KREMEN1: variants seen among roughly 807,000 people sequenced by gnomAD.
KREMEN1 encodes the protein kremen protein 1.
KREMEN1 carries 30 observed loss-of-function variants against 46.5 expected under a neutral mutation model. The ratio of observed to expected loss-of-function variants is 0.65; its 90% CI spans 0.48 to 0.88. The LOEUF (loss-of-function observed/expected upper bound fraction) is 0.88, where lower values mean the gene tolerates loss of function less well. KREMEN1 is among the 40% of genes least tolerant of loss of function. The pLI is 0.00. For synonymous variants in KREMEN1, 214 were observed against 230.6 expected (o/e 0.93, Z 0.65); for missense variants, 533 against 596.9 (o/e 0.89, Z 1.11).
At position 29,144,460 on chromosome 22, in the gene KREMEN1, C is replaced by T. The variant is rs779555004; in HGVS notation, c.*2348C>T. ...GGCCTGCTGAGGGCACAGAGCTGCT[C>T]GGTGCAGCCTTCATGCTTTGATCTG... is the stretch of plus-strand genomic sequence containing the variant. On this transcript the variant is annotated 3_prime_UTR_variant, in exon 9 of 9. Transcript: ENST00000400335. 4.8e-5 allele frequency: 47 copies of T among 985,414 alleles called. No individual in the cohort carries two copies. Among genetic ancestry groups the T allele is most frequent in the Non-Finnish European group, 5.2e-5 (43 of 830,012 alleles). 61.0% of individuals were successfully genotyped at this position (985,414 alleles called of 1,614,324 possible). A position where few individuals can be genotyped will look rare whatever the true frequency, so the allele number is the denominator to read the frequency against.
At chr22:29,131,718 G>GTA (rs201767234) in intron 5 of KREMEN1, among the ~76,000 whole-genome samples, 1 of 125,380 alleles carries the variant, frequency 8.0e-6, no homozygotes, top group Non-Finnish European at 1.6e-5. Flanking sequence ...ATGTATATAT[G>GTA]TATATATATG....
chr22:29,102,391 A>C (rs2037991644), intron 3 of KREMEN1, among the ~76,000 whole-genome samples: 1 of 152,236 alleles, frequency 6.6e-6, no homozygotes, highest in South Asian at 2.1e-4. Flanking sequence ...CAAATTTTTA[A>C]AATGAAAAAC....
At chr22:29,166,217 A>C (rs1236644016) in intron 9 of KREMEN1, among the ~76,000 whole-genome samples, 1 of 150,406 alleles carries the variant, frequency 6.6e-6, no homozygotes, top group Non-Finnish European at 1.5e-5. Flanking sequence ...CTGAGTGACC[A>C]GATGGCTCTT....
chr22:29,161,472 A>C (rs913085231), intron 9 of KREMEN1, among the ~76,000 whole-genome samples: 3 of 133,720 alleles, frequency 2.2e-5, no homozygotes, highest in South Asian at 2.4e-4. Flanking sequence ...GCGCCACTGC[A>C]CTCCAGCCTG....
chr22:29,124,400 G>T (rs2038406931), intron 4 of KREMEN1, among the ~76,000 whole-genome samples: 1 of 152,156 alleles, frequency 6.6e-6, no homozygotes, highest in Non-Finnish European at 1.5e-5. Flanking sequence ...CAGGGTTTCT[G>T]GGGGAGGGGG....
chr22:29,114,418 G>A (rs573852035), intron 3 of KREMEN1, among the ~76,000 whole-genome samples: 1 of 150,152 alleles, frequency 6.7e-6, no homozygotes, highest in Admixed American at 6.7e-5. Flanking sequence ...CCCAGTGGGT[G>A]GAGGTTGCAG....
chr22:29,073,617 C>T lies in KREMEN1; in HGVS notation c.97+390C>T, dbSNP rs1265455296. Among the ~76,000 whole-genome samples, 1 of 151,630 alleles carries T rather than the reference C, an allele frequency of 6.6e-6. No individual in the cohort carries two copies. The highest frequency in any genetic ancestry group is 2.1e-4 in the South Asian group (1 of 4,808). ...CAGCGACCCCAACCAGGCCGGGACG[C>T]CCCCTCTCCCCGGTACCTCCTGGGA... On this transcript the variant is annotated intron_variant, in intron 1 of 8. Transcript: ENST00000400335. This position sits in a 1 kb window ranked among gnomAD's most constrained non-coding sequence, Gnocchi z 4.4.
chr22:29,114,486 C>CAAA (rs134685), intron 3 of KREMEN1, among the ~76,000 whole-genome samples: 12,591 of 87,618 alleles, frequency 0.14, 1,591 homozygotes, highest in African/African-American at 0.31. Flanking sequence ...AACTCCGTGT[C>CAAA]AAAAAAAAAA....
chr22:29,109,316 T>C (rs901691839), intron 3 of KREMEN1, among the ~76,000 whole-genome samples: 1 of 152,212 alleles, frequency 6.6e-6, no homozygotes, highest in African/African-American at 2.4e-5. Context: ...TGAAAATCTT[T>C]ATACCAGCAC....
At position 29,167,135 on chromosome 22, in the gene KREMEN1, T is replaced by C. The variant is rs957255138; in HGVS notation, c.*29T>C. On this transcript the variant is annotated 3_prime_UTR_variant, in exon 10 of 10. Transcript: ENST00000327813. ...TAGACACAACTAGGCTCCGTGGGCATATCTGGGTGGCAATTTCAGAGGGCA... is the reference window on the plus strand; with the variant it reads ...TAGACACAACTAGGCTCCGTGGGCACATCTGGGTGGCAATTTCAGAGGGCA... 5.2e-6 allele frequency: 8 copies of C among 1,539,782 alleles called. No individual in the cohort carries two copies. The Admixed American group carries it at 5.9e-5, about 11-fold the overall frequency.
chr22:29,123,031 C>T (rs1242750877), intron 4 of KREMEN1, among the ~76,000 whole-genome samples: 1 of 143,124 alleles, frequency 7.0e-6, no homozygotes, highest in East Asian at 2.2e-4. Flanking sequence ...AGAACTTAAA[C>T]ACAAGACTAC....
intron 9 of KREMEN1, among the ~76,000 whole-genome samples, chr22:29,161,934 G>A (rs1299866569): frequency 3.3e-5 from 5 of 151,962 alleles, no homozygotes; most frequent in African/African-American, 1.2e-4. Flanking sequence ...TGACCAACAT[G>A]GCGAAACCCC....
intron 5 of KREMEN1, among the ~76,000 whole-genome samples, chr22:29,131,520 G>A (rs1182803096): frequency 1.9e-5 from 1 of 52,810 alleles, no homozygotes; most frequent in Non-Finnish European, 3.2e-5. Context: ...TCTGTATTCT[G>A]TTCATATATA....
chr22:29,081,619 T>C (rs1340265033), intron 1 of KREMEN1, among the ~76,000 whole-genome samples: 1 of 152,176 alleles, frequency 6.6e-6, no homozygotes, highest in Non-Finnish European at 1.5e-5. Flanking sequence ...TTGCTCCAAG[T>C]GACCAGAGAT....
At chr22:29,112,825 T>G (rs1365516820) in intron 3 of KREMEN1, among the ~76,000 whole-genome samples, 1 of 152,214 alleles carries the variant, frequency 6.6e-6, no homozygotes, top group Non-Finnish European at 1.5e-5. Flanking sequence ...TCCTCCCTGC[T>G]TCTGGGAAGC....
intron 1 of KREMEN1, among the ~76,000 whole-genome samples, chr22:29,074,940 T>A (rs1278950196): frequency 6.6e-6 from 1 of 152,188 alleles, no homozygotes; most frequent in Non-Finnish European, 1.5e-5. Flanking sequence ...ATAATACTTT[T>A]ATAGGGCCTC....
chr22:29,108,086 C>T (rs567630238), intron 3 of KREMEN1, among the ~76,000 whole-genome samples: 7 of 152,286 alleles, frequency 4.6e-5, no homozygotes, highest in South Asian at 2.1e-4. Flanking sequence ...ACGAGTTCAA[C>T]GCCAGCCTGG....
intron 1 of KREMEN1, among the ~76,000 whole-genome samples, chr22:29,088,339 A>G (rs2037760361): frequency 6.7e-6 from 1 of 150,344 alleles, no homozygotes; most frequent in South Asian, 2.1e-4. Context: ...ACGCACACAC[A>G]TATTTTGAGA....
At chr22:29,167,218 G>A in exon 10 of KREMEN1, 1 of 903,024 alleles carries the variant, frequency 1.1e-6, no homozygotes. Context: ...CTCTGGCCCA[G>A]CGTGGTGGTT....
Sources: allele counts gnomAD v4.1 joint callset (sites outside exome capture counted in the v4.1 genomes callset), GRCh38; gene constraint gnomAD v4.1.1; non-coding constraint Gnocchi (gnomAD v3.1); transcripts MANE v1.5; gene names NCBI Gene and HGNC (gene_info 2026-07-23, HGNC 2026-07-21).